SDK1: variants seen among roughly 807,000 people sequenced by gnomAD.
SDK1 encodes protein sidekick-1.
SDK1 carries 157 observed loss-of-function variants against 245.5 expected under a neutral mutation model. The ratio of observed to expected loss-of-function variants is 0.64; its 90% confidence interval spans 0.56 to 0.73. SDK1 has a LOEUF of 0.73. Among genes scored for constraint, SDK1 ranks in the 30% least tolerant of loss-of-function variants. SDK1 has a pLI of 0.00. For synonymous variants in SDK1, 1,647 were observed against 1,278.5 expected (o/e 1.29, Z -6.15); for missense variants, 3,583 against 3,002.3 (o/e 1.19, Z -4.52).
At chr7:3,936,248 T>C (rs1189992740) in intron 5 of SDK1, among the ~76,000 whole-genome samples, 1 of 149,322 alleles carries the variant, frequency 6.7e-6, no homozygotes, top group Non-Finnish European at 1.5e-5. Flanking sequence ...AAGTGGGGAG[T>C]GAGTGTTTAA....
Position 4,265,547 on chromosome 7 carries a change from G to A in SDK1, c.*163G>A, listed in dbSNP as rs568776145. 1.2e-5 allele frequency: 16 copies of A among 1,340,924 alleles called. No homozygotes were observed. In the South Asian group the frequency reaches 2.1e-4, roughly 18 times the overall value. The allele number at this position is 1,340,924 out of a possible 1,614,324, so 83.1% of individuals were successfully genotyped here. On this transcript the variant is annotated 3_prime_UTR_variant, in exon 45 of 45. Transcript: ENST00000404826. ...ACTTGTGGACACTAGATTTCAATTA[G>A]GAAGGTTTTTTTAAACGGCTTTTTG...
intron 22 of SDK1, among the ~76,000 whole-genome samples, chr7:4,093,708 G>A (rs1490070745): frequency 6.6e-6 from 1 of 152,228 alleles, no homozygotes; most frequent in East Asian, 1.9e-4. Flanking sequence ...AATGACGCAT[G>A]CCTCGGTGAA....
At chr7:3,960,712 C>A (rs1781608085) in intron 8 of SDK1, among the ~76,000 whole-genome samples, 1 of 152,162 alleles carries the variant, frequency 6.6e-6, no homozygotes, top group Non-Finnish European at 1.5e-5. Context: ...TGTTTCTGTT[C>A]TTCTCTGTTC....
intron 17 of SDK1, among the ~76,000 whole-genome samples, chr7:4,037,406 G>A (rs189387597): frequency 6.6e-6 from 1 of 152,120 alleles, no homozygotes; most frequent in Admixed American, 6.5e-5. Flanking sequence ...ATCAGTGGAA[G>A]CCAGGGGCTT....
intron 1 of SDK1, among the ~76,000 whole-genome samples, chr7:3,332,196 A>C (rs1314220732): frequency 6.6e-6 from 1 of 152,196 alleles, no homozygotes; most frequent in African/African-American, 2.4e-5. Flanking sequence ...TCCATGGAAA[A>C]CTTTAAAAAA....
intron 1 of SDK1, among the ~76,000 whole-genome samples, chr7:3,615,937 T>C (rs1442584127): frequency 6.6e-6 from 1 of 151,438 alleles, no homozygotes; most frequent in Non-Finnish European, 1.5e-5. Context: ...CAGGCTGGAG[T>C]GCAGTGGCAC....
At chr7:3,914,041 C>G (rs1471898115) in intron 5 of SDK1, among the ~76,000 whole-genome samples, 1 of 152,162 alleles carries the variant, frequency 6.6e-6, no homozygotes, top group Non-Finnish European at 1.5e-5. Context: ...AGCATCTACT[C>G]CAGATGTTGA....
At chr7:3,727,528 T>C (rs904591781) in intron 4 of SDK1, among the ~76,000 whole-genome samples, 1 of 152,130 alleles carries the variant, frequency 6.6e-6, no homozygotes, top group African/African-American at 2.4e-5. Context: ...CCTCGCTCTG[T>C]CACTCAGGCT....
intron 1 of SDK1, among the ~76,000 whole-genome samples, chr7:3,308,338 G>T (rs1779469389): frequency 6.6e-6 from 1 of 152,160 alleles, no homozygotes; most frequent in Non-Finnish European, 1.5e-5. Context: ...CATCAGTAAT[G>T]AAAGAGATTA....
intron 14 of SDK1, among the ~76,000 whole-genome samples, chr7:4,000,088 G>A (rs762134380): frequency 3.9e-5 from 6 of 152,196 alleles, no homozygotes; most frequent in Admixed American, 1.3e-4. Flanking sequence ...GAGCAGGAAG[G>A]TGGTCATTCC....
intron 17 of SDK1, among the ~76,000 whole-genome samples, chr7:4,017,976 C>T (rs148026661): frequency 6.6e-4 from 101 of 152,292 alleles, no homozygotes; most frequent in African/African-American, 2.1e-3. Flanking sequence ...CTGGTTCCTC[C>T]GCTGTTTTCT....
At chr7:3,425,884 A>G (rs1349014765) in intron 1 of SDK1, among the ~76,000 whole-genome samples, 4 of 152,146 alleles carry the variant, frequency 2.6e-5, no homozygotes, top group Non-Finnish European at 5.9e-5. Flanking sequence ...ACAAAAGATA[A>G]GAGACAATAG....
chr7:3,622,982 A>C (rs1387782353), intron 2 of SDK1, among the ~76,000 whole-genome samples: 1 of 152,120 alleles, frequency 6.6e-6, no homozygotes, highest in Non-Finnish European at 1.5e-5. Context: ...TCCTTCCAGT[A>C]AGCATGTTCA....
At chr7:3,754,907 G>C (rs1391545029) in intron 4 of SDK1, among the ~76,000 whole-genome samples, 1 of 152,160 alleles carries the variant, frequency 6.6e-6, no homozygotes, top group Non-Finnish European at 1.5e-5. Flanking sequence ...CCCTTCTAAT[G>C]TTCGTTTGTT....
At chr7:4,066,124 C>G (rs1464954271) in intron 19 of SDK1, among the ~76,000 whole-genome samples, 1 of 152,142 alleles carries the variant, frequency 6.6e-6, no homozygotes, top group South Asian at 2.1e-4. Context: ...TGTCTCGTCT[C>G]TTCTCCATCA....
intron 31 of SDK1, among the ~76,000 whole-genome samples, chr7:4,159,009 T>G (rs1780947092): frequency 6.6e-6 from 1 of 152,164 alleles, no homozygotes; most frequent in African/African-American, 2.4e-5. Context: ...GAAGATGGAT[T>G]GTTATTCTGT....
intron 5 of SDK1, among the ~76,000 whole-genome samples, chr7:3,934,368 C>G (rs1393009405): frequency 2.6e-5 from 4 of 152,144 alleles, no homozygotes; most frequent in African/African-American, 9.7e-5. Flanking sequence ...CTTGGTTTAT[C>G]TATTAAAGAC....
intron 1 of SDK1, among the ~76,000 whole-genome samples, chr7:3,323,849 C>A (rs1286562225): frequency 1.3e-5 from 2 of 152,152 alleles, no homozygotes; most frequent in African/African-American, 4.8e-5. Flanking sequence ...CTGCCTAGCA[C>A]AGTGTTTATA....
chr7:3,735,963 C>CT, intron 4 of SDK1, among the ~76,000 whole-genome samples: 1 of 152,280 alleles, frequency 6.6e-6, no homozygotes, highest in Admixed American at 6.5e-5. Context: ...TTCTCATATG[C>CT]TTTTTGCTCT....
Sources: gnomAD v4.1 joint callset for allele counts (sites outside exome capture counted in the v4.1 genomes callset) on GRCh38, gnomAD v4.1.1 for gene constraint, MANE v1.5 for transcripts, NCBI Gene and HGNC (gene_info 2026-07-23, HGNC 2026-07-21) for gene names.